Variants in SLIT2 observed in about 807,000 individuals in gnomAD.
SLIT2 encodes the protein slit guidance ligand 2.
Under a neutral mutation model 185.7 loss-of-function variants are expected in SLIT2, and 41 were observed. The observed-to-expected ratio is 0.22, with a 90% CI of 0.17 to 0.29. The LOEUF (loss-of-function observed/expected upper bound fraction) is 0.29, where lower values mean the gene tolerates loss of function less well. SLIT2 is among the 10% of genes least tolerant of loss of function. The pLI is 1.00. For synonymous variants in SLIT2, 693 were observed against 680.2 expected, an observed-to-expected ratio of 1.02 and a Z score of -0.29; for missense variants, 1,571 against 1,909.0, an observed-to-expected ratio of 0.82 and a Z score of 3.30.
intron 5 of SLIT2, among the ~76,000 whole-genome samples, chr4:20,473,193 A>G (rs1715748207): frequency 7.1e-6 from 1 of 141,316 alleles, no homozygotes; most frequent in South Asian, 2.2e-4. Context: ...CTTTCTTCAT[A>G]AATAAATATA....
chr4:20,498,963 A>AT (rs919818066), intron 9 of SLIT2, among the ~76,000 whole-genome samples: 27 of 152,256 alleles, frequency 1.8e-4, no homozygotes, highest in African/African-American at 5.5e-4. Flanking sequence ...TAATAGTTTT[A>AT]TTTTTTGTTC....
At chr4:20,503,177 GAA>G (rs766107288) in intron 9 of SLIT2, among the ~76,000 whole-genome samples, 5 of 152,224 alleles carry the variant, frequency 3.3e-5, no homozygotes, top group Middle Eastern at 3.4e-3. Flanking sequence ...AATGACAGGT[GAA>G]AAATTATGTA....
chr4:20,399,265 A>T lies in SLIT2; in HGVS notation c.396-68487A>T, dbSNP rs561801201. Among the ~76,000 whole-genome samples, 8 of 151,852 alleles carry T rather than the reference A, an allele frequency of 5.3e-5. No individual in the cohort carries two copies. In the East Asian group the frequency reaches 1.5e-3, roughly 29 times the overall value. On this transcript the variant is annotated intron_variant, in intron 4 of 36. Transcript: ENST00000504154. ...TTTCACAATTATAATTTATATAAGA[A>T]AAATATTTTGTTCAAGTTACAGAAG...
At chr4:20,349,589 C>T (rs1721702713) in intron 4 of SLIT2, among the ~76,000 whole-genome samples, 1 of 152,180 alleles carries the variant, frequency 6.6e-6, no homozygotes, top group African/African-American at 2.4e-5. Context: ...ATGTGAACTT[C>T]AATAAATGTT....
chr4:20,286,450 T>G (rs894719922), intron 4 of SLIT2, among the ~76,000 whole-genome samples: 5 of 152,150 alleles, frequency 3.3e-5, no homozygotes, highest in Non-Finnish European at 5.9e-5. Context: ...TACTTCCTGC[T>G]CCTGTATTTC....
At chr4:20,325,895 C>G (rs1418399627) in intron 4 of SLIT2, among the ~76,000 whole-genome samples, 2 of 151,988 alleles carry the variant, frequency 1.3e-5, no homozygotes, top group Non-Finnish European at 2.9e-5. Flanking sequence ...TAAATATTTG[C>G]TTTGTGGTGG....
intron 26 of SLIT2, among the ~76,000 whole-genome samples, chr4:20,558,316 G>T (rs537582991): frequency 6.6e-6 from 1 of 152,082 alleles, no homozygotes; most frequent in East Asian, 1.9e-4. Flanking sequence ...AATTGCTACA[G>T]CCACCCCAAC....
At chr4:20,587,321 A>C (rs1727146247) in intron 29 of SLIT2, among the ~76,000 whole-genome samples, 2 of 152,180 alleles carry the variant, frequency 1.3e-5, no homozygotes, top group African/African-American at 2.4e-5. Context: ...CCTGGCCAAA[A>C]ATCAAATCAT....
At chr4:20,394,367 C>G (rs571359557) in intron 4 of SLIT2, among the ~76,000 whole-genome samples, 1 of 151,874 alleles carries the variant, frequency 6.6e-6, no homozygotes, top group Non-Finnish European at 1.5e-5. Context: ...AAAAGTTTCC[C>G]TTAAATGTGA....
chr4:20,390,239 T>G (rs527792803), intron 4 of SLIT2, among the ~76,000 whole-genome samples: 1 of 152,246 alleles, frequency 6.6e-6, no homozygotes, highest in East Asian at 1.9e-4. Flanking sequence ...GTCAGCTGTC[T>G]GATGGAAATG....
At chr4:20,476,980 A>G (rs1312684022) in intron 5 of SLIT2, among the ~76,000 whole-genome samples, 1 of 152,150 alleles carries the variant, frequency 6.6e-6, no homozygotes, top group African/African-American at 2.4e-5. Flanking sequence ...TTAGTATTAA[A>G]GAGAATCAGA....
chr4:20,474,667 T>C (rs1350078654), intron 5 of SLIT2, among the ~76,000 whole-genome samples: 3 of 152,002 alleles, frequency 2.0e-5, no homozygotes, highest in Admixed American at 6.6e-5. Flanking sequence ...GGACCTTTGA[T>C]TTTTTGCATC....
chr4:20,343,071 T>C (rs533323974), intron 4 of SLIT2, among the ~76,000 whole-genome samples: 2 of 151,748 alleles, frequency 1.3e-5, no homozygotes, highest in South Asian at 4.2e-4. Context: ...GAAGAGAGGG[T>C]GTTCCTCTCT....
chr4:20,329,493 T>C (rs1719885841), intron 4 of SLIT2, among the ~76,000 whole-genome samples: 1 of 152,074 alleles, frequency 6.6e-6, no homozygotes, highest in East Asian at 1.9e-4. Context: ...AAGATCAATG[T>C]ATGTATACTA....
At chr4:20,538,193 C>T (rs981051544) in intron 18 of SLIT2, among the ~76,000 whole-genome samples, 5 of 152,178 alleles carry the variant, frequency 3.3e-5, no homozygotes, top group Non-Finnish European at 5.9e-5. Context: ...ATCTCCTGAC[C>T]TCGTGATCCG....
At position 20,373,239 on chromosome 4, in the gene SLIT2, G is replaced by A. The variant is rs78512130; in HGVS notation, c.396-94513G>A. Among the ~76,000 whole-genome samples the A allele has an allele frequency of 6.6e-5, 10 of 152,078 alleles. No individual in the cohort carries two copies. The South Asian group carries it at 2.1e-3, about 32-fold the overall frequency. ...CGCTATTATCATACTCAAGAAAACT[G>A]CTTTTTCACTTTGTTTAAACTGTAT... On this transcript the variant is annotated intron_variant, in intron 4 of 36. Transcript: ENST00000504154.
At chr4:20,344,127 C>T (rs752821473) in intron 4 of SLIT2, among the ~76,000 whole-genome samples, 4 of 152,198 alleles carry the variant, frequency 2.6e-5, no homozygotes, top group East Asian at 1.9e-4. Context: ...GGATTACAGG[C>T]GTGAGCCACC....
intron 33 of SLIT2, among the ~76,000 whole-genome samples, chr4:20,608,305 G>A (rs967377257): frequency 6.6e-5 from 10 of 152,084 alleles, no homozygotes; most frequent in East Asian, 1.9e-4. Context: ...GCAGGACCAC[G>A]ATTCGAATCC....
At chr4:20,549,316 A>AAT (rs1181421539) in intron 24 of SLIT2, among the ~76,000 whole-genome samples, 188 bp downstream of exon 24, 1 of 152,172 alleles carries the variant, frequency 6.6e-6, no homozygotes, top group Non-Finnish European at 1.5e-5. Flanking sequence ...TGCTTTGGAC[A>AAT]ATATAACTTC....
Sources: allele counts gnomAD v4.1 joint callset (sites outside exome capture counted in the v4.1 genomes callset), GRCh38; gene constraint gnomAD v4.1.1; transcripts MANE v1.5; gene names NCBI Gene and HGNC (gene_info 2026-07-23, HGNC 2026-07-21).